Variants in ERC2 observed in about 807,000 individuals in gnomAD.
ERC2 encodes the protein ERC protein 2.
A neutral mutation model predicts 114.8 loss-of-function variants in ERC2; 42 were observed. The ratio of observed to expected loss-of-function variants is 0.37; its 90% CI spans 0.29 to 0.47. The LOEUF is 0.47. Among genes scored for constraint, ERC2 ranks in the 20% least tolerant of loss-of-function variants. The pLI, the probability that ERC2 is intolerant of heterozygous loss-of-function variation, is 0.99. For synonymous variants in ERC2, 454 were observed against 425.5 expected (o/e 1.07, Z -0.82); for missense variants, 939 against 1,150.7 (o/e 0.82, Z 2.66).
intron 14 of ERC2, among the ~76,000 whole-genome samples, chr3:55,884,987 G>C (rs1170670461): frequency 6.6e-6 from 1 of 152,090 alleles, no homozygotes; most frequent in African/African-American, 2.4e-5. Flanking sequence ...GAGGCAACCA[G>C]AGAGTGATGT....
At chr3:56,157,153 A>G (rs2081773657) in intron 4 of ERC2, among the ~76,000 whole-genome samples, 1 of 152,188 alleles carries the variant, frequency 6.6e-6, no homozygotes, top group Non-Finnish European at 1.5e-5. Context: ...CCTGCCTTGA[A>G]TAGAAGACAG....
chr3:55,785,957 C>T (rs1006913465), intron 14 of ERC2, among the ~76,000 whole-genome samples: 1 of 152,160 alleles, frequency 6.6e-6, no homozygotes, highest in African/African-American at 2.4e-5. Context: ...TGAACAAAGA[C>T]TTAGATCTTG....
At chr3:55,800,843 G>T (rs12488085) in intron 14 of ERC2, among the ~76,000 whole-genome samples, 1 of 151,884 alleles carries the variant, frequency 6.6e-6, no homozygotes, top group Non-Finnish European at 1.5e-5. Context: ...AAGGAAAGTG[G>T]GGTCAGCACA....
intron 2 of ERC2, among the ~76,000 whole-genome samples, chr3:56,355,168 T>C (rs1461816503): frequency 1.3e-5 from 2 of 152,146 alleles, no homozygotes; most frequent in Non-Finnish European, 2.9e-5. Context: ...GCACATCAGA[T>C]ATATTTGCTG....
intron 3 of ERC2, among the ~76,000 whole-genome samples, chr3:56,212,796 C>T (rs1237930924): frequency 9.3e-5 from 14 of 150,076 alleles, no homozygotes; most frequent in Admixed American, 3.3e-4. Flanking sequence ...TATACATATA[C>T]ACACACACAC....
intron 13 of ERC2, among the ~76,000 whole-genome samples, chr3:55,928,449 TA>T (rs1471958433): frequency 2.0e-5 from 3 of 152,214 alleles, no homozygotes. Context: ...GCCCATTTTT[TA>T]ATCGAATTAT....
intron 3 of ERC2, among the ~76,000 whole-genome samples, chr3:56,238,479 T>C (rs2051110433): frequency 6.6e-6 from 1 of 152,176 alleles, no homozygotes; most frequent in African/African-American, 2.4e-5. Context: ...CTGCTCAGGT[T>C]TGGTGAGCCC....
At chr3:55,862,198 A>G (rs1484887709) in intron 14 of ERC2, among the ~76,000 whole-genome samples, 4 of 152,126 alleles carry the variant, frequency 2.6e-5, no homozygotes, top group African/African-American at 7.2e-5. Context: ...ATATATATAC[A>G]TATATATTCA....
intron 2 of ERC2, among the ~76,000 whole-genome samples, chr3:56,411,955 A>G (rs1465602601): frequency 4.6e-5 from 7 of 152,240 alleles, no homozygotes; most frequent in Non-Finnish European, 5.9e-5. Context: ...CCCAAAAAGC[A>G]TATGTCCAAG....
At chr3:55,754,605 T>TAAA (rs36051892) in intron 14 of ERC2, among the ~76,000 whole-genome samples, 27 of 94,220 alleles carry the variant, frequency 2.9e-4, no homozygotes, top group East Asian at 6.6e-4. Context: ...CATTCTTACA[T>TAAA]AAAAAAAAAA....
At chr3:56,417,629 G>T (rs955247355) in intron 2 of ERC2, among the ~76,000 whole-genome samples, 1 of 152,142 alleles carries the variant, frequency 6.6e-6, no homozygotes, top group African/African-American at 2.4e-5. Context: ...CTATTTTACA[G>T]GTAAGGAAAC....
At chr3:56,468,041 C>G (rs1358048159) in intron 1 of ERC2, among the ~76,000 whole-genome samples, 1 of 152,076 alleles carries the variant, frequency 6.6e-6, no homozygotes, top group Non-Finnish European at 1.5e-5. Flanking sequence ...GTTTATACAT[C>G]AGGGCAAAGC....
At chr3:56,094,294 C>G (rs2077942672) in intron 6 of ERC2, among the ~76,000 whole-genome samples, 1 of 152,160 alleles carries the variant, frequency 6.6e-6, no homozygotes, top group African/African-American at 2.4e-5. Flanking sequence ...CCCTCTGTGG[C>G]TAACACTGCA....
At chr3:56,143,729 G>A (rs906253234) in intron 5 of ERC2, among the ~76,000 whole-genome samples, 1 of 152,046 alleles carries the variant, frequency 6.6e-6, no homozygotes, top group Admixed American at 6.6e-5. Context: ...TATCACACAG[G>A]CTTCCTGCTA....
At chr3:55,668,580 A>G (rs1362501986) in intron 17 of ERC2, among the ~76,000 whole-genome samples, 2 of 152,092 alleles carry the variant, frequency 1.3e-5, no homozygotes, top group Non-Finnish European at 1.5e-5. Flanking sequence ...CCTCATTCCA[A>G]TGTGGTAGTA....
chr3:56,234,502 C>T (rs1336107093), intron 3 of ERC2, among the ~76,000 whole-genome samples: 1 of 152,172 alleles, frequency 6.6e-6, no homozygotes, highest in Non-Finnish European at 1.5e-5. Flanking sequence ...AAGGTCTTGG[C>T]CCACAGTTCT....
chr3:55,556,883 G>A (rs2055650343), intron 17 of ERC2, among the ~76,000 whole-genome samples: 1 of 152,176 alleles, frequency 6.6e-6, no homozygotes, highest in Admixed American at 6.5e-5. Flanking sequence ...GGGAAGAGCT[G>A]AATAGGGGAT....
At chr3:55,738,373 T>G (rs1260258274) in intron 14 of ERC2, among the ~76,000 whole-genome samples, 1 of 152,218 alleles carries the variant, frequency 6.6e-6, no homozygotes, top group African/African-American at 2.4e-5. Context: ...CTGCTTATAC[T>G]TTTAAGCATT....
intron 10 of ERC2, among the ~76,000 whole-genome samples, chr3:56,000,383 G>A (rs1470468347): frequency 2.0e-5 from 3 of 151,856 alleles, no homozygotes; most frequent in Non-Finnish European, 2.9e-5. Flanking sequence ...AAAAATTTAG[G>A]CTAAATAAAA....
Sources: gnomAD v4.1 joint callset for allele counts (sites outside exome capture counted in the v4.1 genomes callset) on GRCh38, gnomAD v4.1.1 for gene constraint, MANE v1.5 for transcripts, NCBI Gene and HGNC (gene_info 2026-07-23, HGNC 2026-07-21) for gene names.